Variants in PKP4 observed in about 807,000 individuals in gnomAD.
The protein encoded by PKP4 is plakophilin 4, also known as plakophilin-4.
A neutral mutation model predicts 145.1 loss-of-function variants in PKP4; 90 were observed. The ratio of observed to expected loss-of-function variants is 0.62; its 90% CI spans 0.52 to 0.74. The LOEUF (loss-of-function observed/expected upper bound fraction) is 0.74, where lower values mean the gene tolerates loss of function less well. PKP4 is among the 30% of genes least tolerant of loss of function. The pLI is 0.00. For missense variants in PKP4, 1,340 were observed against 1,482.7 expected (o/e 0.90, Z 1.58); for synonymous variants, 563 against 577.2 (o/e 0.98, Z 0.35).
chr2:158,642,382 T>G, intron 10 of PKP4, 104 bp from the exon 11 acceptor site: 1 of 864,848 alleles, frequency 1.2e-6, no homozygotes, highest in African/African-American at 1.7e-5. Context: ...TTTGAAATGG[T>G]CTAGAGATAT....
At chr2:158,513,448 G>A (rs143297063) in intron 1 of PKP4, among the ~76,000 whole-genome samples, 121 of 152,290 alleles carry the variant, frequency 7.9e-4, no homozygotes, top group African/African-American at 2.8e-3. Context: ...GGTTTCCTAG[G>A]ATTCGATTTA....
At chr2:158,665,214 GT>G (rs2056972954) in intron 15 of PKP4, among the ~76,000 whole-genome samples, 1 of 152,174 alleles carries the variant, frequency 6.6e-6, no homozygotes, top group Non-Finnish European at 1.5e-5. Flanking sequence ...GGGCTGGTAG[GT>G]CTCCAAGTGA....
chr2:158,677,814 C>A (rs949155886), intron 20 of PKP4, among the ~76,000 whole-genome samples: 28 of 152,224 alleles, frequency 1.8e-4, no homozygotes, highest in Admixed American at 3.3e-4. Context: ...ATGGTTGCTT[C>A]CGATTTGCAG....
intron 3 of PKP4, among the ~76,000 whole-genome samples, chr2:158,586,751 A>G (rs1424983036): frequency 6.6e-6 from 1 of 152,232 alleles, no homozygotes; most frequent in East Asian, 1.9e-4. Context: ...CAGTTTGCTC[A>G]ACCACAGTTC....
chr2:158,492,922 A>G (rs1453338076), intron 1 of PKP4, among the ~76,000 whole-genome samples: 3 of 152,154 alleles, frequency 2.0e-5, no homozygotes, highest in African/African-American at 7.2e-5. Context: ...GTCTTTATAC[A>G]TAACCTTTAT....
chr2:158,645,163 T>C (rs2054703930), intron 11 of PKP4, among the ~76,000 whole-genome samples: 1 of 152,226 alleles, frequency 6.6e-6, no homozygotes, highest in Non-Finnish European at 1.5e-5. Flanking sequence ...GAATGGACCA[T>C]CTGCCTTAAT....
chr2:158,544,533 CAAGAA>C (rs1346816557), intron 2 of PKP4, among the ~76,000 whole-genome samples: 1 of 152,106 alleles, frequency 6.6e-6, no homozygotes, highest in Admixed American at 6.6e-5. Flanking sequence ...CCCAGCTCAA[CAAGAA>C]AAGTCCTCGT....
chr2:158,544,827 GC>G (rs1238027844), intron 2 of PKP4, among the ~76,000 whole-genome samples: 6 of 152,142 alleles, frequency 3.9e-5, no homozygotes, highest in African/African-American at 1.4e-4. Context: ...TGTCAAGAGG[GC>G]CCTTTTTTAA....
At chr2:158,562,303 T>A (rs1000655734) in intron 2 of PKP4, among the ~76,000 whole-genome samples, 1 of 152,226 alleles carries the variant, frequency 6.6e-6, no homozygotes, top group Non-Finnish European at 1.5e-5. Flanking sequence ...GCATATATAT[T>A]GCGATGGAAT....
chr2:158,480,927 G>A (rs562973817), intron 1 of PKP4, among the ~76,000 whole-genome samples: 8 of 152,038 alleles, frequency 5.3e-5, no homozygotes, highest in Middle Eastern at 3.4e-3. Context: ...TTATGGATTC[G>A]CCTCTTCTGG....
At chr2:158,590,793 G>C (rs1281554316) in intron 3 of PKP4, among the ~76,000 whole-genome samples, 1 of 152,100 alleles carries the variant, frequency 6.6e-6, no homozygotes, top group East Asian at 1.9e-4. Context: ...ACAAACCAAT[G>C]ATCACCAATG....
intron 2 of PKP4, among the ~76,000 whole-genome samples, chr2:158,572,226 T>C (rs2047469723): frequency 6.6e-6 from 1 of 152,114 alleles, no homozygotes; most frequent in African/African-American, 2.4e-5. Context: ...AGAGAAATAG[T>C]GAATTGAAGG....
intron 9 of PKP4, among the ~76,000 whole-genome samples, chr2:158,639,232 G>A (rs2054066287): frequency 6.6e-6 from 1 of 152,184 alleles, no homozygotes; most frequent in South Asian, 2.1e-4. Flanking sequence ...GTTTGGCAGA[G>A]AAGACCCTGT....
intron 6 of PKP4, among the ~76,000 whole-genome samples, chr2:158,622,132 T>G (rs2052323165): frequency 6.6e-6 from 1 of 152,150 alleles, no homozygotes; most frequent in Non-Finnish European, 1.5e-5. Flanking sequence ...CACACCTGCA[T>G]AAAATGGGAT....
At chr2:158,458,314 C>T (rs1267032852) in intron 1 of PKP4, 3 of 152,514 alleles carry the variant, frequency 2.0e-5, no homozygotes, top group African/African-American at 7.2e-5. Flanking sequence ...GCTGGTGAGC[C>T]TCATTCCACT....
At chr2:158,545,312 A>G (rs2044910241) in intron 2 of PKP4, among the ~76,000 whole-genome samples, 1 of 151,940 alleles carries the variant, frequency 6.6e-6, no homozygotes, top group Non-Finnish European at 1.5e-5. Flanking sequence ...TAATCCCACC[A>G]GCAGCAGTGT....
At chr2:158,672,683 T>C (rs2057667729) in intron 17 of PKP4, among the ~76,000 whole-genome samples, 1 of 152,180 alleles carries the variant, frequency 6.6e-6, no homozygotes, top group African/African-American at 2.4e-5. Flanking sequence ...AATTTGGAAA[T>C]AAAAAGGTTA....
chr2:158,661,510 A>G, intron 13 of PKP4, 60 bp downstream of exon 13: 1 of 1,054,306 alleles, frequency 9.5e-7, no homozygotes, highest in East Asian at 2.4e-5. Context: ...GCCTGGTGCC[A>G]CTATTTGCAT....
At chr2:158,631,029 C>G (rs560339918) in intron 7 of PKP4, among the ~76,000 whole-genome samples, 1 of 152,256 alleles carries the variant, frequency 6.6e-6, no homozygotes, top group East Asian at 1.9e-4. Context: ...GCTCCGCCTT[C>G]CGGGTTCACG....
Sources: gnomAD v4.1 joint callset for allele counts (sites outside exome capture counted in the v4.1 genomes callset) on GRCh38, gnomAD v4.1.1 for gene constraint, MANE v1.5 for transcripts, NCBI Gene and HGNC (gene_info 2026-07-23, HGNC 2026-07-21) for gene names.